STAT4: variants seen among roughly 807,000 people sequenced by gnomAD.
STAT4 encodes signal transducer and activator of transcription 4.
Under a neutral mutation model 110.5 loss-of-function variants are expected in STAT4, and 42 were observed. The observed-to-expected ratio is 0.38, with a 90% CI of 0.30 to 0.49. The LOEUF (loss-of-function observed/expected upper bound fraction) is 0.49. Ranked by LOEUF, STAT4 falls within the 20% of genes least tolerant of loss-of-function variation. The probability of loss-of-function intolerance (pLI) is 0.95; values close to 1 mark genes in which losing one functional copy is unlikely to be tolerated. For missense variants in STAT4, 632 were observed against 887.9 expected (o/e 0.71, Z 3.66); for synonymous variants, 284 against 302.2 (o/e 0.94, Z 0.63).
rs111931209 is a variant in STAT4 at position 191,053,965 on chromosome 2, G to A, written c.1251+525C>T. On this transcript the variant is annotated intron_variant, in intron 14 of 23. Transcript: ENST00000392320. This position sits in a 1 kb window ranked among gnomAD's most constrained non-coding sequence, Gnocchi z 4.5. ...AAACATGGTGGGACTCTGTCTCTAC[G>A]AAAAATACAAAAACTAGCCAGGTAT... Among the ~76,000 whole-genome samples, 81 of 151,848 alleles carry A rather than the reference G, an allele frequency of 5.3e-4. No homozygotes were observed. Among genetic ancestry groups the A allele is most frequent in the African/African-American group, 1.8e-3 (76 of 41,460 alleles).
rs1025411570 is a variant in STAT4, at chr2:191,060,686, T to C, written c.1034+1043A>G. On this transcript the variant is annotated intron_variant, in intron 10 of 23. Transcript: ENST00000392320. The surrounding 1 kb of genome is among the most constrained non-coding windows in gnomAD (Gnocchi z 4.5). ...TGCCTTCCTCAGGCTCCCAAAGTGC[T>C]GGGATTATAGGCGTGAGCCACCATG... Among the ~76,000 whole-genome samples, 3 of 152,172 alleles carry C rather than the reference T, an allele frequency of 2.0e-5. No homozygotes were observed. Among genetic ancestry groups the C allele is most frequent in the African/African-American group, 4.8e-5 (2 of 41,444 alleles).
intron 3 of STAT4, among the ~76,000 whole-genome samples, chr2:191,123,050 AAT>A (rs1698781790): frequency 6.6e-6 from 1 of 152,030 alleles, no homozygotes; most frequent in Non-Finnish European, 1.5e-5. Flanking sequence ...CTTGTATTAA[AAT>A]ATGACATAAT....
chr2:191,106,218 C>A (rs558537840), intron 3 of STAT4, among the ~76,000 whole-genome samples: 1 of 152,062 alleles, frequency 6.6e-6, no homozygotes, highest in South Asian at 2.1e-4. Flanking sequence ...CAAAAGAAAC[C>A]GTAACCCTTG....
intron 14 of STAT4, among the ~76,000 whole-genome samples, chr2:191,045,971 G>A (rs571702023): frequency 1.3e-5 from 2 of 152,146 alleles, no homozygotes; most frequent in African/African-American, 4.8e-5. Flanking sequence ...CGCTTGAGAC[G>A]GACTAGTTGT....
chr2:191,132,047 G>T, intron 3 of STAT4: 1 of 1,061,780 alleles, frequency 9.4e-7, no homozygotes, highest in Non-Finnish European at 1.2e-6. Context: ...GAAGAGAAAC[G>T]TTTCTTAAGA....
rs1407636115 is a variant in STAT4, at chr2:191,135,999, ATC to A, written c.273+10612_273+10613del. On this transcript the variant is annotated intron_variant, in intron 3 of 23. Coordinates refer to ENST00000392320, the MANE Select transcript of STAT4 (RefSeq NM_003151.4). The surrounding 1 kb of genome is among the most constrained non-coding windows in gnomAD (Gnocchi z 4.8). ...ATACTAGCAAATCAAATCCAACAGC[ATC>A]TCAGAAAAAAAAAAAAAAAAACCAA... 1.3e-4 allele frequency among the ~76,000 whole-genome samples: 13 copies of A among 97,840 alleles called. No homozygotes were observed. Among genetic ancestry groups the A allele is most frequent in the Admixed American group, 1.1e-3 (8 of 7,478 alleles). 64.2% of individuals were successfully genotyped at this position (97,840 alleles called of 152,430 possible). A position where few individuals can be genotyped will look rare whatever the true frequency, so the allele number is the denominator to read the frequency against.
Position 191,113,127 on chromosome 2 carries a change from A to G in STAT4, c.273+33486T>C, listed in dbSNP as rs1698472357. Among the ~76,000 whole-genome samples the G allele has an allele frequency of 6.6e-6, 1 of 152,182 alleles. No homozygotes were observed. The highest frequency in any genetic ancestry group is 2.4e-5 in the African/African-American group (1 of 41,440). On this transcript the variant is annotated intron_variant, in intron 3 of 23. Coordinates refer to ENST00000392320, the MANE Select transcript of STAT4 (RefSeq NM_003151.4). This position sits in a 1 kb window ranked among gnomAD's most constrained non-coding sequence, Gnocchi z 4.8. ...TGCCTACATGGTGTTGCCCACTTGT[A>G]ACACCTGCTCACACCTTTGCTTATG...
chr2:191,057,581 C>CTTTTTTTTTTTTTCTTTTT (rs1696733878), intron 13 of STAT4, among the ~76,000 whole-genome samples: 2 of 121,326 alleles, frequency 1.6e-5, no homozygotes, highest in Non-Finnish European at 3.4e-5. Flanking sequence ...AATTTCTTTT[C>CTTTTTTTTTTTTTCTTTTT]TTTTTTTTTT....
At chr2:191,109,147 G>A (rs1464382731) in intron 3 of STAT4, among the ~76,000 whole-genome samples, 1 of 152,186 alleles carries the variant, frequency 6.6e-6, no homozygotes, top group Non-Finnish European at 1.5e-5. Flanking sequence ...GGGTCGCAGG[G>A]CATCACTAGG....
intron 13 of STAT4, 100 bp from the exon 14 acceptor site, chr2:191,054,634 G>T: frequency 9.9e-7 from 1 of 1,006,682 alleles, no homozygotes; most frequent in South Asian, 1.4e-5. Flanking sequence ...CCACAGTTTT[G>T]ACTTCTAGAA....
At chr2:191,094,917 C>CA (rs1165913847) in intron 3 of STAT4, among the ~76,000 whole-genome samples, 36,219 of 77,934 alleles carry the variant, frequency 0.46, 9,564 homozygotes, top group Non-Finnish European at 0.57. Flanking sequence ...AAATGGAAAG[C>CA]AAAAAAAAAA....
chr2:191,089,705 A>G (rs188306725), intron 3 of STAT4, among the ~76,000 whole-genome samples: 20 of 152,346 alleles, frequency 1.3e-4, no homozygotes, highest in Middle Eastern at 3.4e-3. Context: ...TCTAGACGAT[A>G]GAATATTATT....
rs769651936 is a variant in STAT4 at position 191,035,938 on chromosome 2, C to T, written c.1570+226G>A. On this transcript the variant is annotated intron_variant, in intron 17 of 23. Coordinates refer to ENST00000392320, the MANE Select transcript of STAT4 (RefSeq NM_003151.4). The surrounding 1 kb of genome is among the most constrained non-coding windows in gnomAD (Gnocchi z 4.7). Reference sequence around the variant, plus strand: ...CGTGGCAAGTCACTTGACTTCTGCACTCCAATCCAGTCATTTATAAAATTG... The same window carrying T: ...CGTGGCAAGTCACTTGACTTCTGCATTCCAATCCAGTCATTTATAAAATTG... Among the ~76,000 whole-genome samples, 1 of 152,180 alleles carries T rather than the reference C, an allele frequency of 6.6e-6. No individual in the cohort carries two copies. Among genetic ancestry groups the T allele is most frequent in the African/African-American group, 2.4e-5 (1 of 41,454 alleles).
intron 3 of STAT4, among the ~76,000 whole-genome samples, chr2:191,101,818 T>G (rs1192150416): frequency 1.3e-5 from 2 of 152,128 alleles, no homozygotes; most frequent in Non-Finnish European, 2.9e-5. Context: ...TTATTGATTT[T>G]GGGCTGGAAT....
chr2:191,143,792 A>T lies in STAT4; in HGVS notation c.273+2821T>A, dbSNP rs199789042. 3.5e-4 allele frequency among the ~76,000 whole-genome samples: 53 copies of T among 150,738 alleles called. 1 individual carries two copies. In the South Asian group the frequency reaches 8.6e-3, roughly 25 times the overall value. On this transcript the variant is annotated intron_variant, in intron 3 of 23. Coordinates refer to ENST00000392320, the MANE Select transcript of STAT4 (RefSeq NM_003151.4). The surrounding 1 kb of genome is among the most constrained non-coding windows in gnomAD (Gnocchi z 5.6). ...AGCGTCAACAGCCTTTTGATAGGGA[A>T]TTTTTTTTTTCTTTTTTGTGGGGAA...
In STAT4 at chr2:191,060,138, T is replaced by C. The variant is rs1416239371; in HGVS notation, c.1035-1369A>G. Among the ~76,000 whole-genome samples, 1 of 152,206 alleles carries C rather than the reference T, an allele frequency of 6.6e-6. No individual in the cohort carries two copies. The highest frequency in any genetic ancestry group is 1.5e-5 in the Non-Finnish European group (1 of 68,032). ...CAGAGCCTTCAACCAGGGGCTAATG[T>C]TCTATGTCCCTGGCCATCAGTTCAC... On this transcript the variant is annotated intron_variant, in intron 10 of 23. Transcript: ENST00000392320. The surrounding 1 kb of genome is among the most constrained non-coding windows in gnomAD (Gnocchi z 4.5).
intron 6 of STAT4, among the ~76,000 whole-genome samples, chr2:191,069,003 C>T (rs571990449): frequency 6.6e-6 from 1 of 152,058 alleles, no homozygotes; most frequent in East Asian, 1.9e-4. Context: ...TATGCAATTA[C>T]TGAAATTATG....
intron 3 of STAT4, among the ~76,000 whole-genome samples, chr2:191,126,352 T>C (rs562710419): frequency 1.3e-5 from 2 of 151,704 alleles, no homozygotes; most frequent in South Asian, 4.2e-4. Context: ...TTCATCTCCA[T>C]GAAATGGGGA....
chr2:191,113,424 T>C lies in STAT4; in HGVS notation c.273+33189A>G, dbSNP rs996465749. ...GCTTGGGACACAGGAGAAAGCACTT[T>C]TTCAAATTTATTGGATTGAAGAGAA... is the stretch of plus-strand genomic sequence containing the variant. On this transcript the variant is annotated intron_variant, in intron 3 of 23. Transcript: ENST00000392320. This position sits in a 1 kb window ranked among gnomAD's most constrained non-coding sequence, Gnocchi z 4.8. Among the ~76,000 whole-genome samples, 2 of 152,188 alleles carry C rather than the reference T, an allele frequency of 1.3e-5. No individual in the cohort carries two copies. The highest frequency in any genetic ancestry group is 6.5e-5 in the Admixed American group (1 of 15,272).
Sources: gnomAD v4.1 joint callset for allele counts (sites outside exome capture counted in the v4.1 genomes callset) on GRCh38, gnomAD v4.1.1 for gene constraint, Gnocchi (gnomAD v3.1) non-coding constraint, MANE v1.5 for transcripts, NCBI Gene and HGNC (gene_info 2026-07-23, HGNC 2026-07-21) for gene names.